EIF3E: variants seen among roughly 807,000 people sequenced by gnomAD.
EIF3E encodes the protein eukaryotic translation initiation factor 3 subunit E.
EIF3E carries 25 observed loss-of-function variants against 59.3 expected under a neutral mutation model. The ratio of observed to expected loss-of-function variants is 0.42; its 90% CI spans 0.31 to 0.59. EIF3E has a LOEUF of 0.59. Among genes scored for constraint, EIF3E ranks in the 20% least tolerant of loss-of-function variants. The pLI, the probability that EIF3E is intolerant of heterozygous loss-of-function variation, is 0.15. For synonymous variants in EIF3E, 176 were observed against 170.2 expected (o/e 1.03, Z -0.26); for missense variants, 317 against 534.3 (o/e 0.59, Z 4.01).
chr8:108,240,022 C>G lies in EIF3E; in HGVS notation c.259G>C (p.Glu87Gln), dbSNP rs1248462920. The G allele has an allele frequency of 3.1e-6, 5 of 1,613,930 alleles. No individual in the cohort carries two copies. The highest frequency in any genetic ancestry group is 4.2e-6 in the Non-Finnish European group (5 of 1,179,990). The stretch of plus-strand genomic sequence containing the variant: ...AACATCTTCACAATTGGTTCTGTTT[C>G]TGCCTGAAGCTGTTTCAGTTGTGCA... ...VVAQLKQLQA[E>Q]TEPIVKMFED... The change falls in exon 3 of 13, where the codon GAA (glutamate) becomes CAA (glutamine). Residue 87 changes from glutamate to glutamine, a missense_variant. Coordinates refer to ENST00000220849, the MANE Select transcript of EIF3E (RefSeq NM_001568.3).
intron 7 of EIF3E, chr8:108,226,058 G>A (rs1378289892): frequency 5.9e-5 from 9 of 152,062 alleles, no homozygotes. Context: ...TGAAGCTGTT[G>A]AGAAAGAAAA....
chr8:108,229,833 T>C (rs1210120675), intron 5 of EIF3E, among the ~76,000 whole-genome samples: 1 of 152,006 alleles, frequency 6.6e-6, no homozygotes, highest in African/African-American at 2.4e-5. Context: ...ACATATAGAG[T>C]GTAACTTGCC....
rs539813878 is a variant in EIF3E, at chr8:108,224,309, C to T, written c.722+3958G>A. On this transcript the variant is annotated intron_variant, in intron 7 of 12. Coordinates refer to ENST00000220849, the MANE Select transcript of EIF3E (RefSeq NM_001568.3). The stretch of plus-strand genomic sequence containing the variant: ...ATTGAACATGCAATCAACCAACTAC[C>T]TACTGTGCTATAAGAAATTAGAACT... Among the ~76,000 whole-genome samples the T allele has an allele frequency of 6.6e-5, 10 of 151,628 alleles. No homozygotes were observed. In the East Asian group the frequency reaches 1.9e-3, roughly 29 times the overall value.
At chr8:108,232,922 A>G (rs1281396503) in intron 5 of EIF3E, among the ~76,000 whole-genome samples, 1 of 152,234 alleles carries the variant, frequency 6.6e-6, no homozygotes, top group Non-Finnish European at 1.5e-5. Context: ...TTCATTCTCA[A>G]AATTCACTCC....
At position 108,201,658 on chromosome 8, in the gene EIF3E, T is replaced by C. The variant is rs890666094; in HGVS notation, c.*227A>G. 2.7e-6 allele frequency: 1 copy of C among 375,696 alleles called. No individual in the cohort carries two copies. The highest frequency in any genetic ancestry group is 4.6e-5 in the Admixed American group (1 of 21,742). 23.3% of individuals were successfully genotyped at this position (375,696 alleles called of 1,614,324 possible). A position where few individuals can be genotyped will look rare whatever the true frequency, so the allele number is the denominator to read the frequency against. On this transcript the variant is annotated 3_prime_UTR_variant, in exon 13 of 13. Coordinates refer to ENST00000220849, the MANE Select transcript of EIF3E (RefSeq NM_001568.3). Reference sequence around the variant, plus strand: ...CTACAGGGACTTCTCTGTACTATTTTTGCAAATTCCTCTGAATATAATTAT... The same window carrying C: ...CTACAGGGACTTCTCTGTACTATTTCTGCAAATTCCTCTGAATATAATTAT...
At chr8:108,236,045 ATAAAT>A (rs1815724363) in intron 4 of EIF3E, 111 bp downstream of exon 4, 1 of 777,654 alleles carries the variant, frequency 1.3e-6, no homozygotes, top group Non-Finnish European at 1.9e-6. Flanking sequence ...TTTATAATTA[ATAAAT>A]TAATCTGGAA....
intron 2 of EIF3E, 168 bp from the exon 3 acceptor site, chr8:108,240,243 C>G (rs1815809794): frequency 1.6e-6 from 1 of 637,530 alleles, no homozygotes; most frequent in African/African-American, 1.8e-5. Context: ...TCCCCGATCC[C>G]TAATTTCTTT....
chr8:108,207,197 A>G (rs931273420), intron 10 of EIF3E, among the ~76,000 whole-genome samples: 1 of 152,150 alleles, frequency 6.6e-6, no homozygotes, highest in Non-Finnish European at 1.5e-5. Context: ...AAAGAAACCA[A>G]ATGATTAATA....
intron 10 of EIF3E, among the ~76,000 whole-genome samples, chr8:108,205,917 T>C (rs1042022027): frequency 1.3e-5 from 2 of 152,198 alleles, no homozygotes; most frequent in East Asian, 1.9e-4. Context: ...TAGTTATGTG[T>C]GCACAGGGAA....
chr8:108,228,760 G>A (rs1279128302), intron 6 of EIF3E, among the ~76,000 whole-genome samples: 1 of 152,062 alleles, frequency 6.6e-6, no homozygotes, highest in Non-Finnish European at 1.5e-5. Context: ...CTTCTGCATA[G>A]GACTTTCAAT....
chr8:108,228,166 G>T, intron 7 of EIF3E, 101 bp downstream of exon 7: 1 of 1,275,922 alleles, frequency 7.8e-7, no homozygotes, highest in South Asian at 1.9e-5. Flanking sequence ...AAAAACAGGT[G>T]ACAACAAATT....
intron 1 of EIF3E, chr8:108,243,486 G>C (rs1048765150): frequency 6.6e-6 from 1 of 151,658 alleles, no homozygotes; most frequent in Non-Finnish European, 1.5e-5. Flanking sequence ...AAAATTAGCC[G>C]GGCGTGGTGG....
chr8:108,204,731 G>GTATATATATATATATATATATATATATA (rs148053969), intron 10 of EIF3E, among the ~76,000 whole-genome samples: 2 of 86,774 alleles, frequency 2.3e-5, no homozygotes, highest in African/African-American at 3.8e-5. Context: ...TAGTATGTAT[G>GTATATATATATATATATATATATATATA]TATATATATA....
At chr8:108,208,530 A>C (rs768344132) in intron 10 of EIF3E, among the ~76,000 whole-genome samples, 11 of 152,164 alleles carry the variant, frequency 7.2e-5, no homozygotes, top group Non-Finnish European at 1.5e-4. Flanking sequence ...TTATAATCTT[A>C]TAAATAACTG....
At chr8:108,230,059 AGAT>A (rs1285994664) in intron 5 of EIF3E, among the ~76,000 whole-genome samples, 2 of 152,212 alleles carry the variant, frequency 1.3e-5, no homozygotes, top group Non-Finnish European at 1.5e-5. Context: ...TGAACCGATC[AGAT>A]GTGCTAAAGC....
chr8:108,240,100 T>A, intron 2 of EIF3E, 25 bp from the exon 3 acceptor site: 1 of 1,557,286 alleles, frequency 6.4e-7, no homozygotes. Context: ...AGAAGAGCAC[T>A]ACAATGTTAA....
chr8:108,231,976 A>C (rs889231679), intron 5 of EIF3E: 2 of 152,030 alleles, frequency 1.3e-5, no homozygotes, highest in African/African-American at 4.8e-5. Context: ...TTCATAGCTT[A>C]TGTTTCCCTA....
intron 12 of EIF3E, among the ~76,000 whole-genome samples, chr8:108,202,252 T>C (rs1815007904): frequency 6.6e-6 from 1 of 152,146 alleles, no homozygotes. Context: ...TCAGTTATTC[T>C]AAACTTGGCT....
At chr8:108,239,830 T>C (rs1156805229) in intron 3 of EIF3E, 128 bp downstream of exon 3, 2 of 737,278 alleles carry the variant, frequency 2.7e-6, no homozygotes, top group African/African-American at 3.6e-5. Flanking sequence ...TAAACAAAAA[T>C]TAAAAATGAA....
Sources: allele counts gnomAD v4.1 joint callset (sites outside exome capture counted in the v4.1 genomes callset), GRCh38; gene constraint gnomAD v4.1.1; transcripts MANE v1.5; gene names NCBI Gene and HGNC (gene_info 2026-07-23, HGNC 2026-07-21).